The following GUCY1A2 variants were observed in gnomAD, a reference collection of about 807,000 sequenced individuals.
GUCY1A2 encodes guanylate cyclase soluble subunit alpha-2.
Under a neutral mutation model 63.5 loss-of-function variants are expected in GUCY1A2, and 27 were observed. The observed-to-expected ratio is 0.43, with a 90% CI of 0.31 to 0.59. GUCY1A2 has a LOEUF of 0.59. Ranked by LOEUF, GUCY1A2 falls within the 20% of genes least tolerant of loss-of-function variation. The probability of loss-of-function intolerance (pLI) is 0.11; values close to 1 mark genes in which losing one functional copy is unlikely to be tolerated. For synonymous variants in GUCY1A2, 364 were observed against 343.5 expected (o/e 1.06, Z -0.66); for missense variants, 768 against 913.3 (o/e 0.84, Z 2.05).
intron 3 of GUCY1A2, among the ~76,000 whole-genome samples, chr11:106,965,341 T>C (rs764590115): frequency 1.3e-5 from 2 of 152,114 alleles, no homozygotes; most frequent in African/African-American, 2.4e-5. Flanking sequence ...AGGTACAAAA[T>C]AGTATACATG....
rs1281717118 is a variant in GUCY1A2, at chr11:107,017,782, C to T, written c.274G>A (p.Glu92Lys). Residue 92 changes from glutamate to lysine, a missense_variant, in exon 1 of 8, where the codon GAG becomes AAG. By Grantham distance (56) the Glu-to-Lys change is moderately conservative. Coordinates refer to ENST00000526355, the MANE Select transcript of GUCY1A2 (RefSeq NM_000855.3). ...RRRVNLDSLG[E>K]SISRLTAPSP... ...GGCGCCGTCAGGCGGCTGATGCTCT[C>T]GCCCAGCGAGTCCAGGTTGACCCGC... 2 of 1,429,950 alleles carry T rather than the reference C, an allele frequency of 1.4e-6. No homozygotes were observed. Among genetic ancestry groups the T allele is most frequent in the Non-Finnish European group, 1.8e-6 (2 of 1,092,162 alleles). The allele number at this position is 1,429,950 out of a possible 1,614,324, so 88.6% of individuals were successfully genotyped here. A position where few individuals can be genotyped will look rare whatever the true frequency, so the allele number is the denominator to read the frequency against.
intron 6 of GUCY1A2, among the ~76,000 whole-genome samples, chr11:106,750,012 G>C (rs1565277517): frequency 6.6e-6 from 1 of 152,080 alleles, no homozygotes; most frequent in Non-Finnish European, 1.5e-5. Flanking sequence ...TCCCATGATA[G>C]GCTATCTGCA....
intron 3 of GUCY1A2, among the ~76,000 whole-genome samples, chr11:106,946,039 T>C (rs963039101): frequency 6.6e-6 from 1 of 152,154 alleles, no homozygotes; most frequent in African/African-American, 2.4e-5. Context: ...AAGGTAAATT[T>C]TGTTCATATT....
chr11:106,796,957 G>A (rs1864774192), intron 5 of GUCY1A2, among the ~76,000 whole-genome samples: 1 of 151,964 alleles, frequency 6.6e-6, no homozygotes, highest in African/African-American at 2.4e-5. Flanking sequence ...CATATTTCTT[G>A]GAGGCTTTGT....
At chr11:106,791,551 A>C (rs1317714938) in intron 5 of GUCY1A2, among the ~76,000 whole-genome samples, 7 of 151,906 alleles carry the variant, frequency 4.6e-5, no homozygotes, top group Admixed American at 3.9e-4. Context: ...CAGTCAGTGG[A>C]AACTTCTGTT....
chr11:106,772,831 A>G (rs540434523), intron 6 of GUCY1A2, among the ~76,000 whole-genome samples: 8 of 152,308 alleles, frequency 5.3e-5, no homozygotes, highest in African/African-American at 1.9e-4. Context: ...TTAAGAACTG[A>G]TTAGTTCAAT....
intron 1 of GUCY1A2, among the ~76,000 whole-genome samples, chr11:107,016,767 G>A (rs994830025): frequency 1.3e-5 from 2 of 151,004 alleles, no homozygotes; most frequent in African/African-American, 2.4e-5. Flanking sequence ...AATCCATTGA[G>A]GAGAGAGTAA....
intron 4 of GUCY1A2, among the ~76,000 whole-genome samples, chr11:106,820,170 G>A (rs1858882511): frequency 6.6e-6 from 1 of 152,052 alleles, no homozygotes; most frequent in South Asian, 2.1e-4. Flanking sequence ...AAAATAAGGT[G>A]CTTTGAAATA....
In GUCY1A2 at chr11:106,685,377, A is replaced by G. The variant is rs1862507991; in HGVS notation, c.*2172T>C. 4.7e-6 allele frequency: 1 copy of G among 214,566 alleles called. No homozygotes were observed. Among genetic ancestry groups the G allele is most frequent in the African/African-American group, 2.3e-5 (1 of 44,310 alleles). 13.3% of individuals were successfully genotyped at this position (214,566 alleles called of 1,614,324 possible). On this transcript the variant is annotated 3_prime_UTR_variant, in exon 8 of 8. Coordinates refer to ENST00000526355, the MANE Select transcript of GUCY1A2 (RefSeq NM_000855.3). ...CTTTTCAAATATGCTTCCCGTAGAT[A>G]TTCTTAAGTATGGAGATAATAAATA... is the stretch of plus-strand genomic sequence containing the variant.
chr11:106,774,287 A>T (rs1296472704), intron 6 of GUCY1A2, among the ~76,000 whole-genome samples: 1 of 151,792 alleles, frequency 6.6e-6, no homozygotes, highest in Non-Finnish European at 1.5e-5. Context: ...GCCCGCCACC[A>T]CACCTGGCTA....
intron 5 of GUCY1A2, among the ~76,000 whole-genome samples, chr11:106,802,667 T>C (rs1451153689): frequency 1.3e-5 from 2 of 152,152 alleles, no homozygotes; most frequent in African/African-American, 2.4e-5. Context: ...AAGATCAAGA[T>C]GCCAGCCAAT....
chr11:106,957,085 T>C (rs1860995620), intron 3 of GUCY1A2, among the ~76,000 whole-genome samples: 1 of 152,166 alleles, frequency 6.6e-6, no homozygotes, highest in Non-Finnish European at 1.5e-5. Flanking sequence ...GAGGGTGTGT[T>C]GGGCTGTGGG....
chr11:106,700,361 G>A (rs1162504300), intron 7 of GUCY1A2, among the ~76,000 whole-genome samples: 1 of 152,044 alleles, frequency 6.6e-6, no homozygotes, highest in Non-Finnish European at 1.5e-5. Flanking sequence ...TAAAAAATTG[G>A]GAAGGCATCA....
chr11:106,966,519 T>C lies in GUCY1A2; in HGVS notation c.487+12100A>G, dbSNP rs560302634. Among the ~76,000 whole-genome samples the C allele has an allele frequency of 3.3e-5, 5 of 152,316 alleles. No homozygotes were observed. In the East Asian group the frequency reaches 9.6e-4, roughly 29 times the overall value. ...CCACTTGCTGTTTTCTCCCTGATGA[T>C]CACCAGTACCTAGAACAGTACCCAA... On this transcript the variant is annotated intron_variant, in intron 3 of 7. Coordinates refer to ENST00000526355, the MANE Select transcript of GUCY1A2 (RefSeq NM_000855.3).
At chr11:106,867,762 G>A (rs1472471414) in intron 4 of GUCY1A2, among the ~76,000 whole-genome samples, 2 of 151,956 alleles carry the variant, frequency 1.3e-5, no homozygotes, top group East Asian at 3.9e-4. Flanking sequence ...CTGAATCGTT[G>A]ATTTTATATC....
At chr11:106,750,227 A>G (rs1461832123) in intron 6 of GUCY1A2, among the ~76,000 whole-genome samples, 1 of 150,544 alleles carries the variant, frequency 6.6e-6, no homozygotes, top group East Asian at 1.9e-4. Flanking sequence ...CAAAACAGGC[A>G]AAAGAAAAAG....
intron 4 of GUCY1A2, among the ~76,000 whole-genome samples, chr11:106,838,862 G>C (rs183179609): frequency 1.6e-4 from 25 of 152,094 alleles, no homozygotes; most frequent in Admixed American, 1.6e-3. Flanking sequence ...GTACTTTGTA[G>C]ATTCTGGATA....
rs1862307077 is a variant in GUCY1A2, at chr11:106,674,116, A to G, written c.*13433T>C. On this transcript the variant is annotated 3_prime_UTR_variant, in exon 8 of 8. Transcript: ENST00000526355. ...GCATGACTTAACTAGACAATTTTGT[A>G]ATGAATTATGTAAATATAACACAGA... The G allele has an allele frequency of 1.7e-5, 3 of 180,256 alleles. No homozygotes were observed. The Admixed American group carries it at 1.9e-4, about 11-fold the overall frequency. 11.2% of individuals were successfully genotyped at this position (180,256 alleles called of 1,614,324 possible).
chr11:106,827,398 A>G (rs1294842000), intron 4 of GUCY1A2: 2 of 1,523,678 alleles, frequency 1.3e-6, no homozygotes, highest in African/African-American at 1.4e-5. Context: ...ACAGCCTTCA[A>G]TTTCATACAC....
Sources: gnomAD v4.1 joint callset for allele counts (sites outside exome capture counted in the v4.1 genomes callset) on GRCh38, gnomAD v4.1.1 for gene constraint, MANE v1.5 for transcripts, NCBI Gene and HGNC (gene_info 2026-07-23, HGNC 2026-07-21) for gene names.